Variants in CTSD observed in about 807,000 individuals in gnomAD.
CTSD encodes cathepsin D.
CTSD carries 28 observed loss-of-function variants against 43.6 expected under a neutral mutation model. The observed-to-expected ratio is 0.64, with a 90% confidence interval of 0.48 to 0.88. CTSD has a LOEUF of 0.88. Ranked by LOEUF, CTSD falls within the 40% of genes least tolerant of loss-of-function variation. The pLI is 0.00. For synonymous variants in CTSD, 270 were observed against 249.8 expected (o/e 1.08, Z -0.76); for missense variants, 485 against 555.2 (o/e 0.87, Z 1.27).
In CTSD at chr11:1,753,083, GGCA is replaced by G. The variant is rs1298858229; in HGVS notation, c.*417_*419del. The G allele has an allele frequency of 6.5e-6, 2 of 307,662 alleles. No individual in the cohort carries two copies. The highest frequency in any genetic ancestry group is 9.4e-5 in the Admixed American group (2 of 21,256). 19.1% of individuals were successfully genotyped at this position (307,662 alleles called of 1,614,324 possible). ...GCTGGGCAGAGGGGCCCTCAGGCAG[GGCA>G]GGTTTCCAAGGGAGGGCCCGGGAGG... On this transcript the variant is annotated 3_prime_UTR_variant, in exon 9 of 9. Coordinates refer to ENST00000236671, the MANE Select transcript of CTSD (RefSeq NM_001909.5).
chr11:1,762,395 T>C (rs1383115764), intron 1 of CTSD: 1 of 152,250 alleles, frequency 6.6e-6, no homozygotes, highest in East Asian at 1.9e-4. Flanking sequence ...GCCTTCCCCT[T>C]GGTGTGAACC....
chr11:1,759,010 A>G lies in CTSD; in HGVS notation c.430T>C (p.Ser144Pro), dbSNP rs1845842187. 1.2e-6 allele frequency: 2 copies of G among 1,614,012 alleles called. No homozygotes were observed. The highest frequency in any genetic ancestry group is 1.7e-6 in the Non-Finnish European group (2 of 1,179,922). ...NGTSFDIHYG[S>P]GSLSGYLSQD... ...CTCAGGTACCCGGAGAGGCTGCCCG[A>G]GCCATAGTGGATGTCAAACGAGGTA... Residue 144 changes from serine to proline, a missense_variant, in exon 4 of 9, where the codon TCG (serine) becomes CCG (proline). Physicochemically the swap from Ser to Pro is moderately conservative, Grantham distance 74. Coordinates refer to ENST00000236671, the MANE Select transcript of CTSD (RefSeq NM_001909.5).
chr11:1,763,559 G>C, intron 1 of CTSD: 1 of 510,944 alleles, frequency 2.0e-6, no homozygotes, highest in Admixed American at 4.1e-5. Flanking sequence ...GGTGGCATAT[G>C]GGGGAGAGGC....
rs17571 is a variant in CTSD, at chr11:1,761,364, G to A, written c.173C>T (p.Ala58Val). The stretch of plus-strand genomic sequence containing the variant: ...GGGCCCCTCGGTCACGGCTGGCACC[G>A]CCTGGGAGTACTTTGAGACGGGGCC... ...AKGPVSKYSQ[A>V]VPAVTEGPIP... The change falls in exon 2 of 9, where the codon GCG (alanine) becomes GTG (valine). Residue 58 changes from alanine to valine, a missense_variant. By Grantham distance (64) the Ala-to-Val change is moderately conservative (BLOSUM62 0). Coordinates refer to ENST00000236671, the MANE Select transcript of CTSD (RefSeq NM_001909.5). 0.078 allele frequency: 125,912 copies of A among 1,613,604 alleles called. 5,321 individuals are homozygous for A. Among genetic ancestry groups the A allele is most frequent in the Middle Eastern group, 0.13 (761 of 6,062 alleles).
At chr11:1,758,273 G>T (rs549091508) in intron 4 of CTSD, among the ~76,000 whole-genome samples, 4 of 152,116 alleles carry the variant, frequency 2.6e-5, no homozygotes, top group African/African-American at 9.7e-5. Context: ...GGGCCTGCAG[G>T]GGGGCTCTGC....
intron 6 of CTSD, among the ~76,000 whole-genome samples, chr11:1,754,595 A>ATGGAG: frequency 1.8e-5 from 1 of 56,788 alleles, no homozygotes; most frequent in Admixed American, 2.1e-4. Context: ...AGAGTCACAG[A>ATGGAG]GGGATGAGGG....
intron 2 of CTSD, chr11:1,761,020 G>T (rs540446988): frequency 5.2e-4 from 242 of 469,674 alleles, no homozygotes; most frequent in Non-Finnish European, 5.5e-4. Context: ...GCCACACTCA[G>T]GCAGGCCCAA....
At position 1,761,417 on chromosome 11, in the gene CTSD, C is replaced by A. The variant is rs765036377; in HGVS notation, c.120G>T (p.Gly40=). The change falls in exon 2 of 9, where the codon GGG becomes GGT. Residue 40 remains glycine (G), a synonymous_variant. Coordinates refer to ENST00000236671, the MANE Select transcript of CTSD (RefSeq NM_001909.5). The part of the protein sequence containing the change: ...TSIRRTMSEV[G]GSVEDLIAKG... ...TGGCAATCAGGTCCTCCACAGAGCC[C>A]CCAACCTCCGACATGGTCCGGCGGA... 6.2e-7 allele frequency: 1 copy of A among 1,613,896 alleles called. No homozygotes were observed. The highest frequency in any genetic ancestry group is 2.2e-5 in the East Asian group (1 of 44,886).
At chr11:1,758,254 C>T (rs1014621520) in intron 4 of CTSD, among the ~76,000 whole-genome samples, 15 of 152,272 alleles carry the variant, frequency 9.9e-5, no homozygotes, top group East Asian at 7.8e-4. Flanking sequence ...GCCCTCTTCC[C>T]GGGTCCCTGG....
chr11:1,761,354 G>A lies in CTSD; in HGVS notation c.183C>T (p.Ala61=), dbSNP rs370571459. The A allele has an allele frequency of 1.9e-5, 31 of 1,613,708 alleles. No individual in the cohort carries two copies. The highest frequency in any genetic ancestry group is 1.6e-4 in the Middle Eastern group (1 of 6,084). The change falls in exon 2 of 9, where the codon GCC becomes GCT. Residue 61 remains alanine, a synonymous_variant. Coordinates refer to ENST00000236671, the MANE Select transcript of CTSD (RefSeq NM_001909.5). ...CCTCGGGAATGGGCCCCTCGGTCACGGCTGGCACCGCCTGGGAGTACTTTG... is the reference window on the plus strand; with the variant it reads ...CCTCGGGAATGGGCCCCTCGGTCACAGCTGGCACCGCCTGGGAGTACTTTG... ...PVSKYSQAVP[A]VTEGPIPEVL... is the part of the protein sequence containing the mutation.
intron 4 of CTSD, among the ~76,000 whole-genome samples, chr11:1,758,707 G>T (rs921952097): frequency 3.3e-5 from 5 of 152,152 alleles, no homozygotes; most frequent in African/African-American, 1.2e-4. Flanking sequence ...CGATCGATCT[G>T]CCCTGTCCTC....
Position 1,754,068 on chromosome 11 carries a change from G to A in CTSD, c.898C>T (p.Leu300Phe), listed in dbSNP as rs1256954867. The A allele has an allele frequency of 1.9e-6, 3 of 1,611,578 alleles. No homozygotes were observed. The highest frequency in any genetic ancestry group is 1.1e-5 in the South Asian group (1 of 91,044). The change falls in exon 7 of 9, where the codon CTC becomes TTC. Residue 300 changes from leucine to phenylalanine, a missense_variant. Coordinates refer to ENST00000236671, the MANE Select transcript of CTSD (RefSeq NM_001909.5). ...CEAIVDTGTS[L>F]MVGPVDEVRE... The stretch of plus-strand genomic sequence containing the variant: ...ACCTCATCCACCGGGCCCACCATGA[G>A]GGAAGTGCCTGTGTCCACAATGGCC...
At chr11:1,761,042 T>C (rs977357806) in intron 2 of CTSD, 11 of 507,978 alleles carry the variant, frequency 2.2e-5, no homozygotes, top group South Asian at 8.1e-5. Flanking sequence ...GACCGCCCCC[T>C]CAGGCGAGCT....
chr11:1,757,719 G>A lies in CTSD; in HGVS notation c.472-163C>T, dbSNP rs561924482. 3.3e-5 allele frequency among the ~76,000 whole-genome samples: 5 copies of A among 152,374 alleles called. No homozygotes were observed. The East Asian group carries it at 7.7e-4, about 23-fold the overall frequency. ...TGGAAACCCTGAGCTGAACACCGCT[G>A]GGGATGGGGACACGGGGTATGGCGG... On this transcript the variant is annotated intron_variant, in intron 4 of 8. Transcript: ENST00000236671.
chr11:1,761,164 T>A, intron 2 of CTSD, 145 bp downstream of exon 2: 1 of 812,976 alleles, frequency 1.2e-6, no homozygotes, highest in Non-Finnish European at 2.1e-6. Flanking sequence ...AAGAAAGGAG[T>A]GTGGCTGAGC....
At chr11:1,760,643 G>A (rs1845863973) in intron 2 of CTSD, 1 of 155,258 alleles carries the variant, frequency 6.4e-6, no homozygotes, top group African/African-American at 2.4e-5. Flanking sequence ...CAGGCACACG[G>A]CGCCTGGTTC....
Position 1,754,914 on chromosome 11 carries a change from G to T in CTSD, c.819C>A (p.His273Gln). 1 of 1,613,864 alleles carries T rather than the reference G, an allele frequency of 6.2e-7. No homozygotes were observed. The highest frequency in any genetic ancestry group is 8.5e-7 in the Non-Finnish European group (1 of 1,179,888). ...CTGCAGCCACTACTCACTGGTCCAG[G>T]TGGACCTGCCAGTAGGCCTTGCGGG... ...NVTRKAYWQVHLDQVEVASGL... is the reference protein window; with the variant it reads ...NVTRKAYWQVQLDQVEVASGL... Residue 273 changes from histidine to glutamine, a missense_variant, in exon 6 of 9, where the codon CAC becomes CAA. Transcript: ENST00000236671.
At chr11:1,753,924 C>T in intron 7 of CTSD, 23 bp from the exon 8 acceptor site, 2 of 1,612,792 alleles carry the variant, frequency 1.2e-6, no homozygotes, top group Non-Finnish European at 1.7e-6. Flanking sequence ...ACAGCAGTGT[C>T]AGGGTGGTAG....
intron 5 of CTSD, among the ~76,000 whole-genome samples, chr11:1,755,869 C>G (rs759950797): frequency 6.6e-6 from 1 of 152,142 alleles, no homozygotes; most frequent in Non-Finnish European, 1.5e-5. Flanking sequence ...TCTGCAATCC[C>G]AAGTGTAGAA....
Sources: allele counts gnomAD v4.1 joint callset (sites outside exome capture counted in the v4.1 genomes callset), GRCh38; gene constraint gnomAD v4.1.1; transcripts MANE v1.5; gene names NCBI Gene and HGNC (gene_info 2026-07-23, HGNC 2026-07-21).